The following SPANXN1 variants were observed in gnomAD, a reference collection of about 807,000 sequenced individuals.
SPANXN1 encodes SPANX family member N1, also known as sperm protein associated with the nucleus on the X chromosome N1.
A neutral mutation model predicts 2.0 loss-of-function variants in SPANXN1; 1 was observed. The ratio of observed to expected loss-of-function variants is 0.50; its 90% CI spans 0.18 to 2.36. The LOEUF (loss-of-function observed/expected upper bound fraction) is 2.36. Ranked by LOEUF, SPANXN1 falls within the 30% of genes most tolerant of loss-of-function variation. The probability of loss-of-function intolerance (pLI) is 0.26; values close to 1 mark genes in which losing one functional copy is unlikely to be tolerated. For synonymous variants in SPANXN1, 27 were observed against 21.3 expected (o/e 1.27, Z -0.74); for missense variants, 55 against 51.8 (o/e 1.06, Z -0.19).
intron 1 of SPANXN1, among the ~76,000 whole-genome samples, chrX:145,254,352 G>A (rs782326631): frequency 8.9e-5 from 10 of 112,334 alleles, no homozygotes; most frequent in Non-Finnish European, 1.5e-4. Context: ...GAATTTGGAA[G>A]TTGAATGTTT....
chrX:145,255,477 C>T (rs1243556778), intron 1 of SPANXN1, among the ~76,000 whole-genome samples, 194 bp from the exon 2 acceptor site: 3 of 110,930 alleles, frequency 2.7e-5, no homozygotes, highest in Non-Finnish European at 5.7e-5. Flanking sequence ...GCACTTTGGA[C>T]TAACAGGTGA....
intron 1 of SPANXN1, among the ~76,000 whole-genome samples, chrX:145,253,051 G>A (rs1263278421): frequency 9.0e-6 from 1 of 111,342 alleles, no homozygotes; most frequent in Non-Finnish European, 1.9e-5. Flanking sequence ...ATGGCAGTAC[G>A]GGCGGTGGAC....
chrX:145,255,797 G>A lies in SPANXN1; in HGVS notation c.202G>A (p.Glu68Lys), dbSNP rs1374357471. Reference sequence around the variant, plus strand: ...TAAGAAAATACATTCAAATCAACTGGAGAATGACCAGTCCTGAGAGAACTC... The same window carrying A: ...TAAGAAAATACATTCAAATCAACTGAAGAATGACCAGTCCTGAGAGAACTC... The part of the protein sequence containing the change: ...KAKKIHSNQL[E>K]NDQS The change falls in exon 2 of 2, where the codon GAG becomes AAG. Residue 68 changes from glutamate to lysine, a missense_variant. Physicochemically the swap from Glu to Lys is moderately conservative, Grantham distance 56. Transcript: ENST00000370493. The A allele has an allele frequency of 1.7e-6, 2 of 1,210,700 alleles. No homozygotes were observed. Among genetic ancestry groups the A allele is most frequent in the Non-Finnish European group, 2.2e-6 (2 of 895,451 alleles).
intron 1 of SPANXN1, among the ~76,000 whole-genome samples, chrX:145,249,058 T>G (rs1329715263): frequency 9.1e-6 from 1 of 109,668 alleles, no homozygotes; most frequent in African/African-American, 3.4e-5. Flanking sequence ...ATTTAATGGA[T>G]TGGGGGGAAA....
chrX:145,255,111 T>C (rs2070803001), intron 1 of SPANXN1, among the ~76,000 whole-genome samples: 1 of 111,427 alleles, frequency 9.0e-6, no homozygotes, highest in Non-Finnish European at 1.9e-5. Flanking sequence ...CACAGGAATA[T>C]TGCAGAAACT....
intron 1 of SPANXN1, among the ~76,000 whole-genome samples, chrX:145,252,489 C>G (rs2124445226): frequency 9.0e-6 from 1 of 110,796 alleles, no homozygotes; most frequent in East Asian, 2.9e-4. Flanking sequence ...AGAATTTGAG[C>G]TTGCAAAAGT....
chrX:145,253,616 C>T (rs2070795109), intron 1 of SPANXN1, among the ~76,000 whole-genome samples: 1 of 110,846 alleles, frequency 9.0e-6, no homozygotes, highest in African/African-American at 3.3e-5. Flanking sequence ...TATGATATGG[C>T]CTGGTTTCTG....
Position 145,255,888 on chromosome X carries a change from A to G in SPANXN1, c.*74A>G, listed in dbSNP as rs2070808875. The G allele has an allele frequency of 1.7e-5, 20 of 1,207,694 alleles. No homozygotes were observed. In the East Asian group the frequency reaches 5.9e-4, roughly 36 times the overall value. ...TCAGCTGAAGGATCTTCAAAGCAGG[A>G]TGAAGACCTAGACTTACCTGAAGGC... On this transcript the variant is annotated 3_prime_UTR_variant, in exon 2 of 2. Coordinates refer to ENST00000370493, the MANE Select transcript of SPANXN1 (RefSeq NM_001009614.3).
rs189615348 is a variant in SPANXN1, at chrX:145,254,309, C to T, written c.76-1362C>T. ...AAGCAAAGCACTTCAGATTATTTAC[C>T]CTTGTGTTGGAGAAAGTTTTTCAGA... On this transcript the variant is annotated intron_variant, in intron 1 of 1. Coordinates refer to ENST00000370493, the MANE Select transcript of SPANXN1 (RefSeq NM_001009614.3). Among the ~76,000 whole-genome samples, 385 of 111,867 alleles carry T rather than the reference C, an allele frequency of 3.4e-3. 1 individual carries two copies. The highest frequency in any genetic ancestry group is 0.012 in the African/African-American group (371 of 30,780).
At chrX:145,252,700 G>A (rs374885795) in intron 1 of SPANXN1, among the ~76,000 whole-genome samples, 2 of 110,090 alleles carry the variant, frequency 1.8e-5, no homozygotes, top group Admixed American at 9.7e-5. Flanking sequence ...AGAGGGAAGC[G>A]TTTGGGTGTC....
intron 1 of SPANXN1, among the ~76,000 whole-genome samples, chrX:145,252,855 C>T (rs2070791690): frequency 1.8e-5 from 2 of 110,336 alleles, no homozygotes; most frequent in East Asian, 2.9e-4. Flanking sequence ...GAATAGGTTG[C>T]ATAATAAAGG....
chrX:145,249,927 T>C (rs1412020403), intron 1 of SPANXN1, among the ~76,000 whole-genome samples: 1 of 111,349 alleles, frequency 9.0e-6, no homozygotes, highest in Non-Finnish European at 1.9e-5. Flanking sequence ...CGGGGATATT[T>C]TGGAGGATAA....
At chrX:145,250,393 C>T (rs1409806710) in intron 1 of SPANXN1, among the ~76,000 whole-genome samples, 2 of 110,838 alleles carry the variant, frequency 1.8e-5, no homozygotes, top group Admixed American at 9.6e-5. Context: ...TGTCCTCAGG[C>T]CTCGTGTGTT....
chrX:145,255,836 C>G lies in SPANXN1; in HGVS notation c.*22C>G. The G allele has an allele frequency of 8.3e-7, 1 of 1,211,824 alleles. No homozygotes were observed. Among genetic ancestry groups the G allele is most frequent in the Non-Finnish European group, 1.1e-6 (1 of 895,481 alleles). On this transcript the variant is annotated 3_prime_UTR_variant, in exon 2 of 2. Coordinates refer to ENST00000370493, the MANE Select transcript of SPANXN1 (RefSeq NM_001009614.3). ...CTGAGAGAACTCCATCAATCCAGTC[C>G]AAGAGGAGGAGGACGAAGGCCTAGA...
chrX:145,250,762 G>C (rs2070782575), intron 1 of SPANXN1, among the ~76,000 whole-genome samples: 1 of 111,556 alleles, frequency 9.0e-6, no homozygotes, highest in African/African-American at 3.3e-5. Context: ...TTTATTGAAA[G>C]GTTTTTCTCG....
chrX:145,251,443 C>T (rs1218033825), intron 1 of SPANXN1, among the ~76,000 whole-genome samples: 1 of 111,484 alleles, frequency 9.0e-6, no homozygotes. Flanking sequence ...AGTTTCTGTG[C>T]CTCTAAGGCC....
chrX:145,252,581 AG>A (rs2070790602), intron 1 of SPANXN1, among the ~76,000 whole-genome samples: 1 of 111,113 alleles, frequency 9.0e-6, no homozygotes, highest in Non-Finnish European at 1.9e-5. Flanking sequence ...GGGGTTCTGG[AG>A]GGTTATTTTA....
chrX:145,251,655 A>T (rs1182148533), intron 1 of SPANXN1, among the ~76,000 whole-genome samples: 2 of 112,041 alleles, frequency 1.8e-5, no homozygotes, highest in African/African-American at 6.5e-5. Context: ...CAGGGCCATT[A>T]AAAGGGCATT....
At chrX:145,250,060 T>A (rs1319007819) in intron 1 of SPANXN1, among the ~76,000 whole-genome samples, 1 of 109,346 alleles carries the variant, frequency 9.1e-6, no homozygotes, top group African/African-American at 3.3e-5. Context: ...TTAGGGAGAG[T>A]TTGGTTAGTT....
Sources: allele counts gnomAD v4.1 joint callset (sites outside exome capture counted in the v4.1 genomes callset), GRCh38; gene constraint gnomAD v4.1.1; transcripts MANE v1.5; gene names NCBI Gene and HGNC (gene_info 2026-07-23, HGNC 2026-07-21).